SLC7A14: variants seen among roughly 807,000 people sequenced by gnomAD.
The protein encoded by SLC7A14 is solute carrier family 7 member 14.
SLC7A14 carries 37 observed loss-of-function variants against 60.2 expected under a neutral mutation model. The observed-to-expected ratio is 0.61, with a 90% CI of 0.47 to 0.81. The LOEUF (loss-of-function observed/expected upper bound fraction) is 0.81. Among genes scored for constraint, SLC7A14 ranks in the 30% least tolerant of loss-of-function variants. The pLI, the probability that SLC7A14 is intolerant of heterozygous loss-of-function variation, is 0.00. For missense variants in SLC7A14, 886 were observed against 982.7 expected (o/e 0.90, Z 1.32); for synonymous variants, 399 against 395.8 (o/e 1.01, Z -0.10).
intron 1 of SLC7A14, among the ~76,000 whole-genome samples, chr3:170,528,775 C>G (rs903519573): frequency 3.9e-5 from 6 of 152,308 alleles, no homozygotes; most frequent in South Asian, 2.1e-4. Flanking sequence ...CGTCCCCTTC[C>G]TCCTCTCCTC....
chr3:170,519,881 G>A (rs1713292594), intron 2 of SLC7A14, among the ~76,000 whole-genome samples: 1 of 152,168 alleles, frequency 6.6e-6, no homozygotes, highest in Non-Finnish European at 1.5e-5. Flanking sequence ...ATACTGACTG[G>A]AGCTACAGCA....
chr3:170,488,512 C>T (rs1024983277), intron 4 of SLC7A14, among the ~76,000 whole-genome samples: 1 of 152,202 alleles, frequency 6.6e-6, no homozygotes, highest in Non-Finnish European at 1.5e-5. Context: ...ACTGCTGGCT[C>T]ACTAAGTAGT....
chr3:170,553,131 C>T (rs1714394700), intron 1 of SLC7A14, among the ~76,000 whole-genome samples: 1 of 152,178 alleles, frequency 6.6e-6, no homozygotes, highest in Non-Finnish European at 1.5e-5. Context: ...TTCTGAAACA[C>T]AAGAGCTGGA....
At chr3:170,577,624 C>CAAAA (rs56357954) in intron 1 of SLC7A14, among the ~76,000 whole-genome samples, 8 of 52,034 alleles carry the variant, frequency 1.5e-4, no homozygotes, top group Non-Finnish European at 1.7e-4. Context: ...GACTCCGTCT[C>CAAAA]AAAAAAAAAA....
At position 170,498,685 on chromosome 3, in the gene SLC7A14, C is replaced by T. The variant is rs1415000995; in HGVS notation, c.741G>A (p.Leu247=). 1 of 1,614,158 alleles carries T rather than the reference C, an allele frequency of 6.2e-7. No individual in the cohort carries two copies. The highest frequency in any genetic ancestry group is 1.1e-5 in the South Asian group (1 of 91,088). The change falls in exon 4 of 8, where the codon TTG becomes TTA. Residue 247 remains leucine (L), a synonymous_variant. Coordinates refer to ENST00000231706, the MANE Select transcript of SLC7A14 (RefSeq NM_020949.3). The part of the protein sequence containing the change: ...NGKYWAEGQF[L]PHGWSGVLQG... ...AACTTACCCCTGACCAGCCGTGGGG[C>T]AAGAACTGGCCCTCCGCCCAGTATT... is the stretch of plus-strand genomic sequence containing the variant.
chr3:170,480,558 AG>A lies in SLC7A14; in HGVS notation c.1723del (p.Leu575SerfsTer29). On this transcript the variant is annotated frameshift_variant, in exon 7 of 8. Coordinates refer to ENST00000231706, the MANE Select transcript of SLC7A14 (RefSeq NM_020949.3). LOFTEE classifies it high-confidence loss of function. ...VTICVLLLFI[L>X]MFIFCSFIIF... ...GATGAAGGAGCAGAAGATGAACATG[AG>A]GATGAAGAGCAGGAGCACGCAGATG... 6.2e-7 allele frequency: 1 copy of A among 1,614,228 alleles called. No individual in the cohort carries two copies. Among genetic ancestry groups the A allele is most frequent in the Non-Finnish European group, 8.5e-7 (1 of 1,180,042 alleles).
rs922221908 is a variant in SLC7A14 at position 170,585,648 on chromosome 3, C to T, written c.-153+263G>A. On this transcript the variant is annotated intron_variant, in intron 1 of 7. Transcript: ENST00000231706. The surrounding 1 kb of genome is among the most constrained non-coding windows in gnomAD (Gnocchi z 5.1). The stretch of plus-strand genomic sequence containing the variant: ...CCGGCAGCTCCCGCGAGTCAGAGCC[C>T]GGTGCCCCCAGACCGCGGGCAGTCG... Among the ~76,000 whole-genome samples the T allele has an allele frequency of 6.6e-6, 1 of 152,162 alleles. No individual in the cohort carries two copies. Among genetic ancestry groups the T allele is most frequent in the Non-Finnish European group, 1.5e-5 (1 of 68,016 alleles).
At chr3:170,584,294 TAAG>T (rs1223083741) in intron 1 of SLC7A14, among the ~76,000 whole-genome samples, 3 of 152,198 alleles carry the variant, frequency 2.0e-5, no homozygotes, top group African/African-American at 7.2e-5. Context: ...AGAAGGGTTC[TAAG>T]AAGAGGAAAA....
chr3:170,492,292 T>C (rs1712245515), intron 4 of SLC7A14, among the ~76,000 whole-genome samples: 1 of 152,210 alleles, frequency 6.6e-6, no homozygotes, highest in African/African-American at 2.4e-5. Context: ...CTGGGTTTAT[T>C]GGTATGTTAT....
At chr3:170,581,744 C>T (rs888521147) in intron 1 of SLC7A14, among the ~76,000 whole-genome samples, 1 of 152,192 alleles carries the variant, frequency 6.6e-6, no homozygotes, top group African/African-American at 2.4e-5. Flanking sequence ...CGTATACCTA[C>T]ACTTTGAGTT....
chr3:170,560,812 G>A lies in SLC7A14; in HGVS notation c.-153+25099C>T, dbSNP rs138221018. On this transcript the variant is annotated intron_variant, in intron 1 of 7. Coordinates refer to ENST00000231706, the MANE Select transcript of SLC7A14 (RefSeq NM_020949.3). ...ATTATCTCCAATTAATCTTTGACGT[G>A]TTTTAATTTAGCCTATGAATTGCAT... Among the ~76,000 whole-genome samples the A allele has an allele frequency of 2.3e-3, 346 of 152,246 alleles. 1 individual carries two copies. The highest frequency in any genetic ancestry group is 7.9e-3 in the African/African-American group (329 of 41,556).
chr3:170,517,459 C>T (rs1467413155), intron 2 of SLC7A14, among the ~76,000 whole-genome samples: 1 of 152,176 alleles, frequency 6.6e-6, no homozygotes, highest in African/African-American at 2.4e-5. Flanking sequence ...AATGACTAAT[C>T]CTAGATCACG....
At chr3:170,497,838 C>T (rs1400019178) in intron 4 of SLC7A14, among the ~76,000 whole-genome samples, 1 of 152,202 alleles carries the variant, frequency 6.6e-6, no homozygotes, top group African/African-American at 2.4e-5. Context: ...CTAGCATAAA[C>T]CGCACTAGCC....
At chr3:170,496,573 A>T in intron 4 of SLC7A14, 2 of 1,598,974 alleles carry the variant, frequency 1.3e-6, no homozygotes, top group Non-Finnish European at 8.6e-7. Flanking sequence ...ATGAACGTCA[A>T]ACTGGCCCTG....
At chr3:170,527,290 C>T (rs1713543139) in intron 1 of SLC7A14, among the ~76,000 whole-genome samples, 1 of 152,198 alleles carries the variant, frequency 6.6e-6, no homozygotes, top group Non-Finnish European at 1.5e-5. Flanking sequence ...CTGTGTTGCA[C>T]AGTCATCCTG....
rs1179861984 is a variant in SLC7A14, at chr3:170,468,304, CT to C, written c.1994-928del. Among the ~76,000 whole-genome samples, 528 of 146,676 alleles carry C rather than the reference CT, an allele frequency of 3.6e-3. 1 individual carries two copies. The highest frequency in any genetic ancestry group is 9.9e-3 in the African/African-American group (399 of 40,258). On this transcript the variant is annotated intron_variant, in intron 7 of 7. Coordinates refer to ENST00000231706, the MANE Select transcript of SLC7A14 (RefSeq NM_020949.3). ...TGAGTACCCATTTTCTTTTTCTTTT[CT>C]TTTTTTTTTTGAGACAGGGTCTCAC...
chr3:170,480,179 C>T, intron 7 of SLC7A14, 110 bp downstream of exon 7: 1 of 1,196,042 alleles, frequency 8.4e-7, no homozygotes, highest in Non-Finnish European at 1.1e-6. Flanking sequence ...TAGAACCAGC[C>T]AGATTTCTCT....
chr3:170,571,850 T>C (rs552412387), intron 1 of SLC7A14, among the ~76,000 whole-genome samples: 30 of 152,102 alleles, frequency 2.0e-4, no homozygotes, highest in Non-Finnish European at 3.8e-4. Flanking sequence ...CACAAGGTCA[T>C]GGGCTTGAGA....
intron 7 of SLC7A14, among the ~76,000 whole-genome samples, chr3:170,472,380 A>C (rs959352995): frequency 1.3e-5 from 2 of 149,036 alleles, no homozygotes; most frequent in Admixed American, 6.7e-5. Flanking sequence ...AAAAAAAAAA[A>C]GTTTCAATAT....
Sources: gnomAD v4.1 joint callset for allele counts (sites outside exome capture counted in the v4.1 genomes callset) on GRCh38, gnomAD v4.1.1 for gene constraint, Gnocchi (gnomAD v3.1) non-coding constraint, MANE v1.5 for transcripts, NCBI Gene and HGNC (gene_info 2026-07-23, HGNC 2026-07-21) for gene names.